NAA25: variants seen among roughly 807,000 people sequenced by gnomAD.
NAA25 encodes the protein N-terminal acetyltransferase B complex subunit NAA25.
NAA25 carries 30 observed loss-of-function variants against 132.5 expected under a neutral mutation model. That is an observed-to-expected ratio of 0.23 (90% CI 0.17 to 0.31). The LOEUF is 0.31. Ranked by LOEUF, NAA25 falls within the 10% of genes least tolerant of loss-of-function variation. The pLI is 1.00. For missense variants in NAA25, 771 were observed against 1,150.4 expected, an observed-to-expected ratio of 0.67 and a Z score of 4.77; for synonymous variants, 359 against 401.9, an observed-to-expected ratio of 0.89 and a Z score of 1.28.
chr12:112,038,519 G>A lies in NAA25; in HGVS notation c.2649+710C>T, dbSNP rs183610191. 2.1e-3 allele frequency among the ~76,000 whole-genome samples: 324 copies of A among 152,202 alleles called. 1 individual carries two copies. Among genetic ancestry groups the A allele is most frequent in the African/African-American group, 7.1e-3 (294 of 41,516 alleles). ...TAAATGGTTAAAAATTGATAATCCA[G>A]GTAAAGATCTTTATGGGTGTCATAT... On this transcript the variant is annotated intron_variant, in intron 22 of 23. Transcript: ENST00000261745.
chr12:112,053,542 A>G lies in NAA25; in HGVS notation c.1728+16T>C. ...CAGCAGACAAGATCACAGTTAAAAA[A>G]TAGTTTTTCACTTACATCTTTCTGG... is the stretch of plus-strand genomic sequence containing the variant. On this transcript the variant is annotated intron_variant, in intron 15 of 23. Transcript: ENST00000261745. 2 of 1,566,384 alleles carry G rather than the reference A, an allele frequency of 1.3e-6. No individual in the cohort carries two copies. The highest frequency in any genetic ancestry group is 8.8e-7 in the Non-Finnish European group (1 of 1,142,150).
intron 1 of NAA25, among the ~76,000 whole-genome samples, chr12:112,097,606 CAA>C (rs777633329): frequency 3.8e-4 from 20 of 52,768 alleles, no homozygotes; most frequent in Admixed American, 7.0e-4. Context: ...GACTCCGTCT[CAA>C]AAAAAAAAAA....
intron 2 of NAA25, among the ~76,000 whole-genome samples, chr12:112,092,409 G>C (rs937141398): frequency 3.9e-5 from 6 of 152,092 alleles, no homozygotes; most frequent in Admixed American, 3.9e-4. Context: ...AGGATCACCT[G>C]AGGTCGGGAG....
chr12:112,029,520 T>C lies in NAA25; in HGVS notation c.*11A>G, dbSNP rs201788941. On this transcript the variant is annotated 3_prime_UTR_variant, in exon 24 of 24. Coordinates refer to ENST00000261745, the MANE Select transcript of NAA25 (RefSeq NM_024953.4). ...GTTGCAGAGTCATCAGTGCCCATGA[T>C]AGATACTTCCTTAAATTTTTAGTTT... 1.5e-5 allele frequency: 25 copies of C among 1,613,940 alleles called. No individual in the cohort carries two copies. Among genetic ancestry groups the C allele is most frequent in the Admixed American group, 1.7e-5 (1 of 60,010 alleles).
At chr12:112,092,946 G>A in intron 2 of NAA25, 105 bp downstream of exon 2, 1 of 726,422 alleles carries the variant, frequency 1.4e-6, no homozygotes, top group South Asian at 1.9e-5. Flanking sequence ...AAAGTACTGG[G>A]ATTACAGGCT....
chr12:112,063,018 C>A (rs1347298144), intron 11 of NAA25, among the ~76,000 whole-genome samples: 1 of 151,860 alleles, frequency 6.6e-6, no homozygotes, highest in Non-Finnish European at 1.5e-5. Flanking sequence ...CATCATTGCG[C>A]CATTACACTC....
At chr12:112,077,593 G>A (rs1001622526) in intron 7 of NAA25, among the ~76,000 whole-genome samples, 1 of 151,898 alleles carries the variant, frequency 6.6e-6, no homozygotes, top group Admixed American at 6.6e-5. Context: ...AGTCCAGCCT[G>A]GGCAAAACAG....
At chr12:112,100,984 C>A (rs965132598) in intron 1 of NAA25, among the ~76,000 whole-genome samples, 13 of 152,094 alleles carry the variant, frequency 8.5e-5, no homozygotes, top group African/African-American at 3.1e-4. Flanking sequence ...AGTCGCTGCC[C>A]ACCCCAGCCT....
chr12:112,087,800 C>A lies in NAA25; in HGVS notation c.285G>T (p.Pro95=). The change falls in exon 4 of 24, where the codon CCG becomes CCT. Residue 95 remains proline, a splice_region_variant and synonymous_variant. Coordinates refer to ENST00000261745, the MANE Select transcript of NAA25 (RefSeq NM_024953.4). ...CCTCATAAAGTTTTGTAACTAACTC[C>A]GCTAAGATAAAGAGAAATAAGATTT... ...LTILYREMHR[P]ELVTKLYEAA... 6.3e-7 allele frequency: 1 copy of A among 1,578,768 alleles called. No individual in the cohort carries two copies. Among genetic ancestry groups the A allele is most frequent in the Non-Finnish European group, 8.7e-7 (1 of 1,148,086 alleles).
chr12:112,104,961 G>A (rs1182699453), intron 1 of NAA25, among the ~76,000 whole-genome samples: 4 of 151,830 alleles, frequency 2.6e-5, no homozygotes, highest in African/African-American at 9.7e-5. Context: ...AGGTTGCAGT[G>A]AGCCAAGATC....
At chr12:112,104,554 G>C (rs1270789223) in intron 1 of NAA25, among the ~76,000 whole-genome samples, 1 of 151,882 alleles carries the variant, frequency 6.6e-6, no homozygotes, top group Non-Finnish European at 1.5e-5. Flanking sequence ...AAGAATAATG[G>C]GGCCAGGTGC....
At chr12:112,063,533 T>G (rs1024463867) in intron 11 of NAA25, among the ~76,000 whole-genome samples, 1 of 152,198 alleles carries the variant, frequency 6.6e-6, no homozygotes, top group African/African-American at 2.4e-5. Flanking sequence ...TATCGGAGAA[T>G]GCTATCCGAC....
chr12:112,077,265 G>T (rs1005066526), intron 7 of NAA25, among the ~76,000 whole-genome samples: 10 of 151,958 alleles, frequency 6.6e-5, no homozygotes, highest in Non-Finnish European at 1.2e-4. Context: ...TTGAGGTTAG[G>T]AGTTTGAAAC....
chr12:112,074,679 C>T lies in NAA25; in HGVS notation c.862G>A (p.Glu288Lys). 6.2e-7 allele frequency: 1 copy of T among 1,600,236 alleles called. No homozygotes were observed. Among genetic ancestry groups the T allele is most frequent in the Non-Finnish European group, 8.5e-7 (1 of 1,172,796 alleles). The change falls in exon 9 of 24, where the codon GAA becomes AAA. Residue 288 changes from glutamate (E) to lysine (K), a missense_variant. Glu to Lys is a moderately conservative substitution (Grantham distance 56). This residue lies in a region of NAA25 where 417 missense variants were observed against 733.8 expected (regional missense o/e 0.57). Coordinates refer to ENST00000261745, the MANE Select transcript of NAA25 (RefSeq NM_024953.4). ...TCAGGAAAGAAGACAACTTACTGTT[C>T]ACCTTCAGCAGGAGGACTCCAGGCC... ...EEAWSPPAEG[E>K]HSLEGEVHYS...
At chr12:112,081,254 T>C in intron 4 of NAA25, 120 bp from the exon 5 acceptor site, 6 of 784,436 alleles carry the variant, frequency 7.6e-6, no homozygotes, top group South Asian at 6.8e-5. Context: ...TCCCAGTTAG[T>C]GTAAATTCCT....
chr12:112,090,540 A>G, intron 3 of NAA25, 186 bp downstream of exon 3: 1 of 486,250 alleles, frequency 2.1e-6, no homozygotes, highest in East Asian at 3.4e-5. Context: ...TCTCATTCCA[A>G]TTCAAGGATC....
intron 22 of NAA25, chr12:112,034,510 C>T (rs1359338085): frequency 1.3e-5 from 2 of 152,330 alleles, no homozygotes; most frequent in Non-Finnish European, 1.5e-5. Context: ...CCTGTAATCC[C>T]AGCTACTCCG....
Position 112,054,422 on chromosome 12 carries a change from G to C in NAA25, c.1594C>G (p.Leu532Val), listed in dbSNP as rs770322637. ...FEPVVDLYSSLDAKHIQHDTI... is the reference protein window; with the variant it reads ...FEPVVDLYSSVDAKHIQHDTI... Reference sequence around the variant, plus strand: ...TCATGCTGGATATGCTTAGCATCGAGGCTGGAGTAAAGATCCACCACTGGT... The same window carrying C: ...TCATGCTGGATATGCTTAGCATCGACGCTGGAGTAAAGATCCACCACTGGT... The change falls in exon 14 of 24, where the codon CTC becomes GTC. Residue 532 changes from leucine (L) to valine (V), a missense_variant. By Grantham distance (32) the Leu-to-Val change is conservative (BLOSUM62 1). Transcript: ENST00000261745. 21 of 1,614,048 alleles carry C rather than the reference G, an allele frequency of 1.3e-5. No homozygotes were observed. Among genetic ancestry groups the C allele is most frequent in the East Asian group, 2.2e-5 (1 of 44,878 alleles).
chr12:112,082,333 T>C (rs562872397), intron 4 of NAA25, among the ~76,000 whole-genome samples: 20 of 149,678 alleles, frequency 1.3e-4, no homozygotes, highest in African/African-American at 4.7e-4. Flanking sequence ...CTTTGGGAGG[T>C]TGAGACAGGA....
Sources: allele counts gnomAD v4.1 joint callset (sites outside exome capture counted in the v4.1 genomes callset), GRCh38; gene constraint gnomAD v4.1.1; regional missense constraint gnomAD v4.1.1; transcripts MANE v1.5; gene names NCBI Gene and HGNC (gene_info 2026-07-23, HGNC 2026-07-21).